Variants in ADSL observed in about 807,000 individuals in gnomAD.
The protein encoded by ADSL is adenylosuccinase.
A neutral mutation model predicts 62.1 loss-of-function variants in ADSL; 44 were observed. The observed-to-expected ratio is 0.71, with a 90% CI of 0.56 to 0.91. The LOEUF (loss-of-function observed/expected upper bound fraction) is 0.91, where lower values mean the gene tolerates loss of function less well. ADSL is among the 40% of genes least tolerant of loss of function. The pLI, the probability that ADSL is intolerant of heterozygous loss-of-function variation, is 0.00. For missense variants in ADSL, 531 were observed against 627.4 expected, an observed-to-expected ratio of 0.85 and a Z score of 1.64; for synonymous variants, 198 against 220.5, an observed-to-expected ratio of 0.90 and a Z score of 0.90.
chr22:40,356,000 C>T (rs1232693361), intron 4 of ADSL, among the ~76,000 whole-genome samples: 1 of 130,210 alleles, frequency 7.7e-6, no homozygotes, highest in Non-Finnish European at 1.6e-5. Context: ...CAGCCTGGCT[C>T]ACATGGTGAA....
At chr22:40,380,227 A>G (rs909866220) in intron 2 of ADSL, among the ~76,000 whole-genome samples, 2 of 152,056 alleles carry the variant, frequency 1.3e-5, no homozygotes, top group Non-Finnish European at 2.9e-5. Flanking sequence ...CTGTGTGTGT[A>G]TTTGTATGTG....
rs147194356 is a variant in ADSL at position 40,354,296 on chromosome 22, A to G, written c.451A>G (p.Ser151Gly). 2.5e-6 allele frequency: 4 copies of G among 1,614,128 alleles called. No homozygotes were observed. Among genetic ancestry groups the G allele is most frequent in the Admixed American group, 3.3e-5 (2 of 60,006 alleles). ...RLADFAKERA[S>G]LPTLGFTHFQ... ...TGCCGACTTTGCTAAGGAACGAGCCAGTCTACCCACATTAGGTTTCACACA... is the reference window on the plus strand; with the variant it reads ...TGCCGACTTTGCTAAGGAACGAGCCGGTCTACCCACATTAGGTTTCACACA... Residue 151 changes from serine to glycine, a missense_variant, in exon 4 of 13, where the codon AGT (serine) becomes GGT (glycine). By Grantham distance (56) the Ser-to-Gly change is moderately conservative. This residue lies in a region of ADSL where 471 missense variants were observed against 592.9 expected (regional missense o/e 0.79). Coordinates refer to ENST00000623063, the MANE Select transcript of ADSL (RefSeq NM_000026.4).
intron 4 of ADSL, among the ~76,000 whole-genome samples, chr22:40,354,891 A>G (rs923564630): frequency 1.3e-5 from 2 of 152,048 alleles, no homozygotes; most frequent in African/African-American, 4.8e-5. Flanking sequence ...AAAGAAAAAA[A>G]TCTAAATGTT....
chr22:40,366,335 C>A, intron 12 of ADSL, 101 bp from the exon 13 acceptor site: 1 of 850,252 alleles, frequency 1.2e-6, no homozygotes, highest in Middle Eastern at 2.2e-4. Context: ...GTAAAAGCTT[C>A]ATCAAATTAG....
At chr22:40,352,346 G>C (rs1041591265) in intron 2 of ADSL, among the ~76,000 whole-genome samples, 1 of 152,040 alleles carries the variant, frequency 6.6e-6, no homozygotes, top group Non-Finnish European at 1.5e-5. Flanking sequence ...GCTAACACAG[G>C]TGAAACCCTG....
intron 2 of ADSL, among the ~76,000 whole-genome samples, chr22:40,383,483 AG>A (rs2047925721): frequency 6.7e-6 from 1 of 148,892 alleles, no homozygotes; most frequent in African/African-American, 2.5e-5. Context: ...AAAAAAAAAA[AG>A]TCAGTAGGAA....
rs2146667776 is a variant in ADSL at position 40,363,021 on chromosome 22, A to G, written c.1051A>G (p.Ile351Val). Residue 351 changes from isoleucine (I) to valine (V), a missense_variant, in exon 10 of 13, where the codon ATA (isoleucine) becomes GTA (valine). By Grantham distance (29) the Ile-to-Val change is conservative. Coordinates refer to ENST00000623063, the MANE Select transcript of ADSL (RefSeq NM_000026.4). ...CGAGGCATTTCTTACCGCAGATACTATATTGAATACGCTGCAGAACATTTC... is the reference window on the plus strand; with the variant it reads ...CGAGGCATTTCTTACCGCAGATACTGTATTGAATACGCTGCAGAACATTTC... The part of the protein sequence containing the change: ...LAEAFLTADT[I>V]LNTLQNISEG... The G allele has an allele frequency of 6.2e-7, 1 of 1,614,212 alleles. No homozygotes were observed. Among genetic ancestry groups the G allele is most frequent in the Non-Finnish European group, 8.5e-7 (1 of 1,180,044 alleles).
chr22:40,366,719 T>C lies in ADSL; in HGVS notation c.*197T>C. ...CAAAGAGCGTTGAAGTTGACTCTGC[T>C]CTTGCATAGTAAATGTAGTTCATAC... On this transcript the variant is annotated 3_prime_UTR_variant, in exon 13 of 13. Coordinates refer to ENST00000623063, the MANE Select transcript of ADSL (RefSeq NM_000026.4). The C allele has an allele frequency of 3.5e-6, 2 of 566,126 alleles. No individual in the cohort carries two copies. The highest frequency in any genetic ancestry group is 3.1e-5 in the East Asian group (1 of 32,018). The allele number at this position is 566,126 out of a possible 1,614,324, so 35.1% of individuals were successfully genotyped here.
chr22:40,346,858 GC>G, intron 1 of ADSL, 147 bp downstream of exon 1: 1 of 863,450 alleles, frequency 1.2e-6, no homozygotes, highest in Non-Finnish European at 1.7e-6. Context: ...AGGAGCTGCG[GC>G]CCCAGGAAAG....
At chr22:40,353,165 A>T (rs1213008270) in intron 3 of ADSL, 48 bp downstream of exon 3, 3 of 1,458,702 alleles carry the variant, frequency 2.1e-6, no homozygotes, top group Admixed American at 1.7e-5. Flanking sequence ...TCCCTATGTT[A>T]GGAGATAGGC....
intron 2 of ADSL, among the ~76,000 whole-genome samples, chr22:40,381,064 G>A (rs2146801075): frequency 6.6e-6 from 1 of 152,330 alleles, no homozygotes; most frequent in Middle Eastern, 3.4e-3. Context: ...ATATTGGGAA[G>A]AACGAAGTAA....
downstream of ADSL, among the ~76,000 whole-genome samples, chr22:40,374,006 T>C (rs1243771353): frequency 6.6e-6 from 1 of 152,118 alleles, no homozygotes; most frequent in African/African-American, 2.4e-5. Flanking sequence ...TTGAGTGCAG[T>C]GGCGTGATCT....
downstream of ADSL, chr22:40,372,805 C>G (rs1227724448): frequency 6.6e-6 from 1 of 152,154 alleles, no homozygotes; most frequent in African/African-American, 2.4e-5. Flanking sequence ...CTTCTTAGTT[C>G]TCAATGAAGG....
intron 1 of ADSL, chr22:40,348,784 T>C: frequency 2.6e-6 from 1 of 391,614 alleles, no homozygotes; most frequent in South Asian, 1.4e-4. Flanking sequence ...TGCAAGATCC[T>C]TCCCGGAGTC....
intron 2 of ADSL, among the ~76,000 whole-genome samples, chr22:40,351,316 G>A (rs964417597): frequency 2.0e-5 from 3 of 151,974 alleles, no homozygotes; most frequent in South Asian, 2.1e-4. Context: ...GATTATAGGC[G>A]CCTGCCGCCA....
intron 7 of ADSL, among the ~76,000 whole-genome samples, chr22:40,360,880 T>C (rs1057015447): frequency 6.6e-6 from 1 of 152,054 alleles, no homozygotes; most frequent in Non-Finnish European, 1.5e-5. Flanking sequence ...TGGCTAATTT[T>C]AGTAGAGGCA....
chr22:40,359,207 A>T, intron 5 of ADSL, 53 bp from the exon 6 acceptor site: 3 of 1,606,410 alleles, frequency 1.9e-6, no homozygotes, highest in Non-Finnish European at 2.6e-6. Context: ...AGGTTGAGGC[A>T]TTCTCACACT....
chr22:40,378,681 A>G (rs1301097389), intron 2 of ADSL, among the ~76,000 whole-genome samples: 1 of 150,686 alleles, frequency 6.6e-6, no homozygotes, highest in Non-Finnish European at 1.5e-5. Context: ...AGCTGAGATC[A>G]CACACTGCAC....
At chr22:40,346,747 G>T (rs746002887) in intron 1 of ADSL, 36 bp downstream of exon 1, 289 of 1,565,850 alleles carry the variant, frequency 1.8e-4, no homozygotes, top group Non-Finnish European at 2.4e-4. Context: ...GGGCCGGGAG[G>T]GACGGGCCCG....
Sources: allele counts gnomAD v4.1 joint callset (sites outside exome capture counted in the v4.1 genomes callset), GRCh38; gene constraint gnomAD v4.1.1; regional missense constraint gnomAD v4.1.1; transcripts MANE v1.5; gene names NCBI Gene and HGNC (gene_info 2026-07-23, HGNC 2026-07-21).